Variants in AVPR1A observed in about 807,000 individuals in gnomAD.
AVPR1A encodes arginine vasopressin receptor 1A.
Under a neutral mutation model 31.5 loss-of-function variants are expected in AVPR1A, and 31 were observed. The observed-to-expected ratio is 0.99, with a 90% confidence interval of 0.74 to 1.33. The LOEUF is 1.33. AVPR1A is among the 40% of genes most tolerant of loss of function. AVPR1A has a pLI of 0.00. For synonymous variants in AVPR1A, 243 were observed against 233.2 expected, an observed-to-expected ratio of 1.04 and a Z score of -0.38; for missense variants, 570 against 575.2, an observed-to-expected ratio of 0.99 and a Z score of 0.09.
Position 63,147,275 on chromosome 12 carries a change from G to A in AVPR1A, c.*84C>T. 1 of 1,442,942 alleles carries A rather than the reference G, an allele frequency of 6.9e-7. No homozygotes were observed. Among genetic ancestry groups the A allele is most frequent in the Non-Finnish European group, 9.6e-7 (1 of 1,045,260 alleles). The allele number at this position is 1,442,942 out of a possible 1,614,324, so 89.4% of individuals were successfully genotyped here. The stretch of plus-strand genomic sequence containing the variant: ...TGATTTATGGTTATATTAATAAAGT[G>A]TATTTGTTCTTGTGATTTCTAGCTC... On this transcript the variant is annotated 3_prime_UTR_variant, in exon 2 of 2. Transcript: ENST00000299178.
At position 63,149,790 on chromosome 12, in the gene AVPR1A, T is replaced by TCACACA. The variant is rs1565878713; in HGVS notation, c.970+76_970+77insTGTGTG. On this transcript the variant is annotated intron_variant, in intron 1 of 1. Transcript: ENST00000299178. ...ATTTTTTTCTCTCTCTCTCTCTCTC[T>TCACACA]CTCTCTCTCACACACACACACACAC... is the stretch of plus-strand genomic sequence containing the variant. The TCACACA allele has an allele frequency of 1.2e-5, 18 of 1,470,822 alleles. No individual in the cohort carries two copies. The African/African-American group carries it at 2.8e-4, about 23-fold the overall frequency. The allele number at this position is 1,470,822 out of a possible 1,614,324, so 91.1% of individuals were successfully genotyped here.
At position 63,146,288 on chromosome 12, in the gene AVPR1A, T is replaced by A. The variant is rs1266114025; in HGVS notation, c.*1071A>T. 6 of 152,218 alleles carry A rather than the reference T, an allele frequency of 3.9e-5. No homozygotes were observed. Among genetic ancestry groups the A allele is most frequent in the Non-Finnish European group, 7.3e-5 (5 of 68,042 alleles). The allele number at this position is 152,218 out of a possible 1,614,324, so 9.4% of individuals were successfully genotyped here. A position where few individuals can be genotyped will look rare whatever the true frequency, so the allele number is the denominator to read the frequency against. On this transcript the variant is annotated 3_prime_UTR_variant, in exon 2 of 2. Coordinates refer to ENST00000299178, the MANE Select transcript of AVPR1A (RefSeq NM_000706.5). ...TGGGCACAGAGCAGTTCTCTTTCCA[T>A]CTGTCACCCATGTCCCAACCCTGTC... is the stretch of plus-strand genomic sequence containing the variant.
rs772383263 is a variant in AVPR1A at position 63,149,931 on chromosome 12, G to C, written c.906C>G (p.Val302=). ...GGATGATGAAGAAAGGCGCCCAGCAGACGATGTAAGCCGTCACGATCACAA... is the reference window on the plus strand; with the variant it reads ...GGATGATGAAGAAAGGCGCCCAGCACACGATGTAAGCCGTCACGATCACAA... ...MTFVIVTAYI[V]CWAPFFIIQM... is the part of the protein sequence containing the mutation. The change falls in exon 1 of 2, where the codon GTC becomes GTG. Residue 302 remains valine, a synonymous_variant. Transcript: ENST00000299178. The C allele has an allele frequency of 6.2e-7, 1 of 1,614,020 alleles. No homozygotes were observed. Among genetic ancestry groups the C allele is most frequent in the South Asian group, 1.1e-5 (1 of 91,064 alleles).
rs1174243943 is a variant in AVPR1A at position 63,147,240 on chromosome 12, C to T, written c.*119G>A. 3.3e-6 allele frequency: 4 copies of T among 1,228,864 alleles called. 1 individual carries two copies. The African/African-American group carries it at 4.6e-5, about 14-fold the overall frequency. The allele number at this position is 1,228,864 out of a possible 1,614,324, so 76.1% of individuals were successfully genotyped here. A position where few individuals can be genotyped will look rare whatever the true frequency, so the allele number is the denominator to read the frequency against. ...ATGCAACTAGAAACACAGTCTCATA[C>T]ACAATGAATTGATTTATGGTTATAT... On this transcript the variant is annotated 3_prime_UTR_variant, in exon 2 of 2. Transcript: ENST00000299178.
rs577579113 is a variant in AVPR1A, at chr12:63,151,187, G to A, written c.-351C>T. On this transcript the variant is annotated 5_prime_UTR_variant, in exon 1 of 2. Coordinates refer to ENST00000299178, the MANE Select transcript of AVPR1A (RefSeq NM_000706.5). Reference sequence around the variant, plus strand: ...ACGCGCTCCCTCCCGCCCTATTGCCGGAAGACTGCTGGTTGCCTACTCCCC... The same window carrying A: ...ACGCGCTCCCTCCCGCCCTATTGCCAGAAGACTGCTGGTTGCCTACTCCCC... 4.1e-6 allele frequency: 1 copy of A among 243,608 alleles called. No individual in the cohort carries two copies. The highest frequency in any genetic ancestry group is 7.9e-6 in the Non-Finnish European group (1 of 125,814). 15.1% of individuals were successfully genotyped at this position (243,608 alleles called of 1,614,324 possible). A position where few individuals can be genotyped will look rare whatever the true frequency, so the allele number is the denominator to read the frequency against.
In AVPR1A at chr12:63,149,955, A is replaced by G. The variant is rs1215467889; in HGVS notation, c.882T>C (p.Phe294=). ...AGACGATGTAAGCCGTCACGATCAC[A>G]AAAGTCATCTTCACCGTGCGGATCT... ...RAKIRTVKMT[F]VIVTAYIVCW... is the part of the protein sequence containing the mutation. Residue 294 remains phenylalanine, a synonymous_variant, in exon 1 of 2, where the codon TTT becomes TTC. Coordinates refer to ENST00000299178, the MANE Select transcript of AVPR1A (RefSeq NM_000706.5). The G allele has an allele frequency of 1.9e-6, 3 of 1,613,988 alleles. No homozygotes were observed. The highest frequency in any genetic ancestry group is 2.5e-6 in the Non-Finnish European group (3 of 1,180,022).
Position 63,143,575 on chromosome 12 carries a change from G to A in AVPR1A, c.*3784C>T, listed in dbSNP as rs556266721. 6.6e-6 allele frequency: 1 copy of A among 152,128 alleles called. No individual in the cohort carries two copies. The highest frequency in any genetic ancestry group is 2.1e-4 in the South Asian group (1 of 4,832). The allele number at this position is 152,128 out of a possible 1,614,324, so 9.4% of individuals were successfully genotyped here. A position where few individuals can be genotyped will look rare whatever the true frequency, so the allele number is the denominator to read the frequency against. On this transcript the variant is annotated 3_prime_UTR_variant, in exon 2 of 2. Transcript: ENST00000299178. ...TAGTTCCTAAATTTTGGCTCAAATC[G>A]GCTGAGGTCCAATTCTAACGGAGAA...
At position 63,151,015 on chromosome 12, in the gene AVPR1A, C is replaced by G; in HGVS notation, c.-179G>C. The stretch of plus-strand genomic sequence containing the variant: ...TCTCCCGGAGCAGCGTCCCGCCTGC[C>G]CACTGAGCAGCTCTCAGCAGGGTGA... On this transcript the variant is annotated 5_prime_UTR_variant, in exon 1 of 2. Coordinates refer to ENST00000299178, the MANE Select transcript of AVPR1A (RefSeq NM_000706.5). The G allele has an allele frequency of 1.1e-6, 1 of 915,694 alleles. No homozygotes were observed. The highest frequency in any genetic ancestry group is 1.8e-5 in the South Asian group (1 of 54,886). The allele number at this position is 915,694 out of a possible 1,614,324, so 56.7% of individuals were successfully genotyped here. A position where few individuals can be genotyped will look rare whatever the true frequency, so the allele number is the denominator to read the frequency against.
In AVPR1A at chr12:63,150,924, C is replaced by A. The variant is rs3021531; in HGVS notation, c.-88G>T. On this transcript the variant is annotated 5_prime_UTR_variant, in exon 1 of 2. Transcript: ENST00000299178. This position sits in a 1 kb window ranked among gnomAD's most constrained non-coding sequence, Gnocchi z 4.9. ...CCCGTCTCGGAGGACTTGGGCTCCT[C>A]GTCCGAAGCGCAGGGTCTTTGGCGC... 4.9e-6 allele frequency: 7 copies of A among 1,434,134 alleles called. No homozygotes were observed. Among genetic ancestry groups the A allele is most frequent in the Non-Finnish European group, 6.4e-6 (7 of 1,098,826 alleles). 88.8% of individuals were successfully genotyped at this position (1,434,134 alleles called of 1,614,324 possible). A position where few individuals can be genotyped will look rare whatever the true frequency, so the allele number is the denominator to read the frequency against.
chr12:63,147,244 A>G lies in AVPR1A; in HGVS notation c.*115T>C, dbSNP rs1198076780. On this transcript the variant is annotated 3_prime_UTR_variant, in exon 2 of 2. Coordinates refer to ENST00000299178, the MANE Select transcript of AVPR1A (RefSeq NM_000706.5). Reference sequence around the variant, plus strand: ...AACTAGAAACACAGTCTCATACACAATGAATTGATTTATGGTTATATTAAT... The same window carrying G: ...AACTAGAAACACAGTCTCATACACAGTGAATTGATTTATGGTTATATTAAT... The G allele has an allele frequency of 4.8e-6, 6 of 1,258,058 alleles. No individual in the cohort carries two copies. The highest frequency in any genetic ancestry group is 1.5e-5 in the African/African-American group (1 of 66,098). The allele number at this position is 1,258,058 out of a possible 1,614,324, so 77.9% of individuals were successfully genotyped here. A position where few individuals can be genotyped will look rare whatever the true frequency, so the allele number is the denominator to read the frequency against.
intron 1 of AVPR1A, among the ~76,000 whole-genome samples, 198 bp downstream of exon 1, chr12:63,149,669 T>A (rs979736325): frequency 2.3e-4 from 34 of 146,316 alleles, no homozygotes; most frequent in African/African-American, 7.4e-4. Flanking sequence ...TTTTTTTTTT[T>A]AAACAGTGTT....
In AVPR1A at chr12:63,149,769, T is replaced by C. The variant is rs200846814; in HGVS notation, c.970+98A>G. On this transcript the variant is annotated intron_variant, in intron 1 of 1. Coordinates refer to ENST00000299178, the MANE Select transcript of AVPR1A (RefSeq NM_000706.5). Reference sequence around the variant, plus strand: ...GAAGAAAATTGCTAGATTCTCATTTTTTTCTCTCTCTCTCTCTCTCTCTCT... The same window carrying C: ...GAAGAAAATTGCTAGATTCTCATTTCTTTCTCTCTCTCTCTCTCTCTCTCT... 2.8e-4 allele frequency: 344 copies of C among 1,243,398 alleles called. 1 individual carries two copies. The African/African-American group carries it at 5.0e-3, about 18-fold the overall frequency. 77.0% of individuals were successfully genotyped at this position (1,243,398 alleles called of 1,614,324 possible). A position where few individuals can be genotyped will look rare whatever the true frequency, so the allele number is the denominator to read the frequency against.
In AVPR1A at chr12:63,145,334, T is replaced by C; in HGVS notation, c.*2025A>G. 2.2e-6 allele frequency: 1 copy of C among 453,888 alleles called. No homozygotes were observed. Among genetic ancestry groups the C allele is most frequent in the Non-Finnish European group, 4.4e-6 (1 of 226,226 alleles). 28.1% of individuals were successfully genotyped at this position (453,888 alleles called of 1,614,324 possible). A position where few individuals can be genotyped will look rare whatever the true frequency, so the allele number is the denominator to read the frequency against. On this transcript the variant is annotated 3_prime_UTR_variant, in exon 2 of 2. Transcript: ENST00000299178. ...CAAAAGGCAGAAGAATGAAGAGGAG[T>C]GAAGTTATCGCTTCCGGGTTCTCAC...
chr12:63,150,134 A>G lies in AVPR1A; in HGVS notation c.703T>C (p.Cys235Arg), dbSNP rs1320798936. 6.2e-7 allele frequency: 1 copy of G among 1,614,048 alleles called. No individual in the cohort carries two copies. The highest frequency in any genetic ancestry group is 8.5e-7 in the Non-Finnish European group (1 of 1,180,038). Residue 235 changes from cysteine to arginine, a missense_variant, in exon 1 of 2, where the codon TGC (cysteine) becomes CGC (arginine). Transcript: ENST00000299178. The surrounding 1 kb of genome is among the most constrained non-coding windows in gnomAD (Gnocchi z 4.9). ...ATGTTGTAGCAGATGAAGCCGTAGC[A>G]GGTACCCAAGATGACCACGGGCGCC... Reference protein sequence around the residue: ...FVAPVVILGTCYGFICYNIWC... With the variant: ...FVAPVVILGTRYGFICYNIWC...
rs118093149 is a variant in AVPR1A at position 63,150,737 on chromosome 12, C to T, written c.100G>A (p.Ala34Thr). 1.0e-4 allele frequency: 161 copies of T among 1,602,230 alleles called. 1 individual carries two copies. The East Asian group carries it at 1.6e-3, about 16-fold the overall frequency. The change falls in exon 1 of 2, where the codon GCC becomes ACC. Residue 34 changes from alanine (A) to threonine (T), a missense_variant. Ala to Thr is a moderately conservative substitution (Grantham distance 58). Coordinates refer to ENST00000299178, the MANE Select transcript of AVPR1A (RefSeq NM_000706.5). The surrounding 1 kb of genome is among the most constrained non-coding windows in gnomAD (Gnocchi z 4.9). The stretch of plus-strand genomic sequence containing the variant: ...GGTGGGCCGTTGCCCTCCCCGAGGG[C>T]TTCGGCCTCCCGGCTTGTGTTGCCA... ...GAGNTSREAE[A>T]LGEGNGPPRD... is the part of the protein sequence containing the mutation.
At chr12:63,147,811 A>G (rs1868380645) in intron 1 of AVPR1A, among the ~76,000 whole-genome samples, 166 bp from the exon 2 acceptor site, 1 of 152,202 alleles carries the variant, frequency 6.6e-6, no homozygotes, top group South Asian at 2.1e-4. Flanking sequence ...TTGCTTGACT[A>G]TAAAATATTT....
rs780371622 is a variant in AVPR1A at position 63,150,197 on chromosome 12, G to C, written c.640C>G (p.Arg214Gly). The part of the protein sequence containing the change: ...WATFIQPWGS[R>G]AYVTWMTGGI... ...CCCGTCATCCAGGTCACGTAGGCACGAGAACCCCAGGGCTGGATGAAGGTG... is the reference window on the plus strand; with the variant it reads ...CCCGTCATCCAGGTCACGTAGGCACCAGAACCCCAGGGCTGGATGAAGGTG... The change falls in exon 1 of 2, where the codon CGT (arginine) becomes GGT (glycine). Residue 214 changes from arginine to glycine, a missense_variant. Arg to Gly is a moderately radical substitution (Grantham distance 125). Transcript: ENST00000299178. The surrounding 1 kb of genome is among the most constrained non-coding windows in gnomAD (Gnocchi z 4.9). 28 of 1,613,830 alleles carry C rather than the reference G, an allele frequency of 1.7e-5. No homozygotes were observed.
At chr12:63,148,678 AG>A (rs1256171094) in intron 1 of AVPR1A, among the ~76,000 whole-genome samples, 3 of 152,208 alleles carry the variant, frequency 2.0e-5, no homozygotes, top group African/African-American at 7.2e-5. Flanking sequence ...GATAAGAAAT[AG>A]CAAACCAAAA....
Position 63,144,082 on chromosome 12 carries a change from T to A in AVPR1A, c.*3277A>T, listed in dbSNP as rs1393236484. On this transcript the variant is annotated 3_prime_UTR_variant, in exon 2 of 2. Transcript: ENST00000299178. ...AGAAACTGTAATAAGCTTGGCAGGGTCCTGTGTATCATTAAGACTGCTTAG... is the reference window on the plus strand; with the variant it reads ...AGAAACTGTAATAAGCTTGGCAGGGACCTGTGTATCATTAAGACTGCTTAG... The A allele has an allele frequency of 6.6e-6, 1 of 151,150 alleles. No homozygotes were observed. Among genetic ancestry groups the A allele is most frequent in the African/African-American group, 2.5e-5 (1 of 40,684 alleles). 9.4% of individuals were successfully genotyped at this position (151,150 alleles called of 1,614,324 possible).
Sources: gnomAD v4.1 joint callset for allele counts (sites outside exome capture counted in the v4.1 genomes callset) on GRCh38, gnomAD v4.1.1 for gene constraint, Gnocchi (gnomAD v3.1) non-coding constraint, MANE v1.5 for transcripts, NCBI Gene and HGNC (gene_info 2026-07-23, HGNC 2026-07-21) for gene names.